CCSER2: variants seen among roughly 807,000 people sequenced by gnomAD.
The protein encoded by CCSER2 is serine-rich coiled-coil domain-containing protein 2.
CCSER2 carries 46 observed loss-of-function variants against 92.3 expected under a neutral mutation model. The observed-to-expected ratio is 0.50, with a 90% CI of 0.39 to 0.64. CCSER2 has a LOEUF of 0.64. CCSER2 is among the 30% of genes least tolerant of loss of function. The pLI is 0.00. For missense variants in CCSER2, 1,244 were observed against 1,238.9 expected (o/e 1.00, Z -0.06); for synonymous variants, 433 against 431.4 (o/e 1.00, Z -0.04).
At chr10:84,375,302 A>T (rs904231349) in intron 3 of CCSER2, among the ~76,000 whole-genome samples, 4 of 151,950 alleles carry the variant, frequency 2.6e-5, no homozygotes, top group East Asian at 3.8e-4. Context: ...GTATGGGAAG[A>T]AAAAAACATC....
At chr10:84,437,102 G>A (rs1844204095) in intron 5 of CCSER2, among the ~76,000 whole-genome samples, 1 of 151,210 alleles carries the variant, frequency 6.6e-6, no homozygotes, top group African/African-American at 2.4e-5. Context: ...TGAGCAACCC[G>A]TCTCTACTTA....
At chr10:84,352,105 C>A (rs987855760) in intron 1 of CCSER2, among the ~76,000 whole-genome samples, 5 of 151,986 alleles carry the variant, frequency 3.3e-5, no homozygotes, top group Non-Finnish European at 7.4e-5. Flanking sequence ...TCGAGACCAT[C>A]CTGGCCAACA....
At chr10:84,437,871 C>T (rs916558284) in intron 5 of CCSER2, among the ~76,000 whole-genome samples, 4 of 151,830 alleles carry the variant, frequency 2.6e-5, no homozygotes, top group Non-Finnish European at 2.9e-5. Flanking sequence ...TGCCACCATG[C>T]TGGGGTAATT....
chr10:84,499,766 A>T, intron 9 of CCSER2: 2 of 980,354 alleles, frequency 2.0e-6, no homozygotes, highest in Non-Finnish European at 1.5e-6. Context: ...TCTTCTCGTT[A>T]ACACTATTGC....
At chr10:84,378,424 A>T (rs997130282) in intron 3 of CCSER2, among the ~76,000 whole-genome samples, 2 of 149,360 alleles carry the variant, frequency 1.3e-5, no homozygotes, top group Admixed American at 6.8e-5. Flanking sequence ...ATTATTTTTT[A>T]AAATTAAATT....
intron 6 of CCSER2, chr10:84,454,895 T>A (rs925940811): frequency 6.6e-6 from 1 of 152,612 alleles, no homozygotes; most frequent in Non-Finnish European, 1.5e-5. Context: ...TCTTGAATTG[T>A]AGCTCCCATA....
intron 9 of CCSER2, among the ~76,000 whole-genome samples, chr10:84,503,321 A>G (rs1040876360): frequency 6.6e-6 from 1 of 152,186 alleles, no homozygotes; most frequent in African/African-American, 2.4e-5. Flanking sequence ...TTTCTTAAGT[A>G]TATTACTAGT....
intron 3 of CCSER2, among the ~76,000 whole-genome samples, chr10:84,377,402 A>G (rs1362300565): frequency 1.3e-5 from 2 of 152,124 alleles, no homozygotes; most frequent in Non-Finnish European, 2.9e-5. Context: ...CGATTAATTT[A>G]TTTTAGTCAT....
chr10:84,489,777 G>T (rs1035115423), intron 9 of CCSER2, among the ~76,000 whole-genome samples: 11 of 152,192 alleles, frequency 7.2e-5, no homozygotes, highest in East Asian at 1.9e-4. Context: ...TTTGATCCTG[G>T]CATTATGATG....
intron 3 of CCSER2, among the ~76,000 whole-genome samples, chr10:84,405,554 A>G (rs1176359614): frequency 6.6e-6 from 1 of 152,228 alleles, no homozygotes; most frequent in Non-Finnish European, 1.5e-5. Flanking sequence ...TGTGACTCAC[A>G]TATCTGTCAA....
chr10:84,345,466 CTATT>C (rs1214412935), intron 1 of CCSER2, among the ~76,000 whole-genome samples: 4 of 152,274 alleles, frequency 2.6e-5, no homozygotes, highest in African/African-American at 9.6e-5. Flanking sequence ...AGATACATGT[CTATT>C]TACACAGTTT....
chr10:84,371,614 C>T lies in CCSER2; in HGVS notation c.562C>T (p.Pro188Ser). Residue 188 changes from proline (P) to serine (S), a missense_variant, in exon 2 of 10, where the codon CCT becomes TCT. Physicochemically the swap from Pro to Ser is moderately conservative, Grantham distance 74. Transcript: ENST00000372088. ...GNRSAGSMQR[P>S]RANSCATRSS... ...CCGATCAGCTGGTAGCATGCAAAGG[C>T]CTAGAGCGAACTCCTGTGCCACCAG... is the stretch of plus-strand genomic sequence containing the variant. 6.2e-7 allele frequency: 1 copy of T among 1,613,568 alleles called. No individual in the cohort carries two copies. The highest frequency in any genetic ancestry group is 8.5e-7 in the Non-Finnish European group (1 of 1,179,690).
chr10:84,350,553 C>A (rs1398802535), intron 1 of CCSER2, among the ~76,000 whole-genome samples: 1 of 152,182 alleles, frequency 6.6e-6, no homozygotes, highest in Non-Finnish European at 1.5e-5. Flanking sequence ...GTTATCTAAT[C>A]TTACCTCCCA....
intron 3 of CCSER2, among the ~76,000 whole-genome samples, chr10:84,395,015 G>T (rs1841749415): frequency 6.6e-6 from 1 of 151,956 alleles, no homozygotes; most frequent in Non-Finnish European, 1.5e-5. Context: ...CTTGAGCCCA[G>T]GAATTTGAGA....
chr10:84,352,756 A>G (rs1257876891), intron 1 of CCSER2, among the ~76,000 whole-genome samples: 2 of 151,560 alleles, frequency 1.3e-5, no homozygotes, highest in African/African-American at 4.9e-5. Context: ...ATACCTATCT[A>G]GTAGTTGTTA....
At chr10:84,499,841 A>G in intron 9 of CCSER2, 1 of 1,607,280 alleles carries the variant, frequency 6.2e-7, no homozygotes, top group Non-Finnish European at 8.5e-7. Context: ...TCCCTTTTTT[A>G]TTATACCTCC....
At chr10:84,472,975 A>T (rs1439452152) in intron 8 of CCSER2, 2 of 152,194 alleles carry the variant, frequency 1.3e-5, no homozygotes, top group African/African-American at 4.8e-5. Flanking sequence ...TATATCCCTT[A>T]TATCTCTTTT....
At chr10:84,438,446 A>G (rs975188324) in intron 5 of CCSER2, 66 bp from the exon 6 acceptor site, 9 of 899,734 alleles carry the variant, frequency 1.0e-5, no homozygotes, top group Non-Finnish European at 1.5e-5. Flanking sequence ...TAATTTCATT[A>G]TCTTTATTTC....
In CCSER2 at chr10:84,464,022, A is replaced by C. The variant is rs769348435; in HGVS notation, c.2148+6A>C. 2 of 1,532,632 alleles carry C rather than the reference A, an allele frequency of 1.3e-6. No homozygotes were observed. The highest frequency in any genetic ancestry group is 3.5e-5 in the Admixed American group (2 of 56,676). 94.9% of individuals were successfully genotyped at this position (1,532,632 alleles called of 1,614,324 possible). A position where few individuals can be genotyped will look rare whatever the true frequency, so the allele number is the denominator to read the frequency against. Reference sequence around the variant, plus strand: ...ATGGTGATAAAGTATATAAGGTATGACTATGTAGTCATGCTGGATTTTTCA... The same window carrying C: ...ATGGTGATAAAGTATATAAGGTATGCCTATGTAGTCATGCTGGATTTTTCA... On this transcript the variant is annotated splice_donor_region_variant and intron_variant, in intron 7 of 9. Transcript: ENST00000372088.
Sources: gnomAD v4.1 joint callset for allele counts (sites outside exome capture counted in the v4.1 genomes callset) on GRCh38, gnomAD v4.1.1 for gene constraint, MANE v1.5 for transcripts, NCBI Gene and HGNC (gene_info 2026-07-23, HGNC 2026-07-21) for gene names.